KALRN: variants seen among roughly 807,000 people sequenced by gnomAD.
KALRN encodes the protein kalirin.
KALRN carries 70 observed loss-of-function variants against 353.7 expected under a neutral mutation model. The ratio of observed to expected loss-of-function variants is 0.20; its 90% CI spans 0.16 to 0.24. KALRN has a LOEUF of 0.24. Ranked by LOEUF, KALRN falls within the 10% of genes least tolerant of loss-of-function variation. The probability of loss-of-function intolerance (pLI) is 1.00; values close to 1 mark genes in which losing one functional copy is unlikely to be tolerated. For missense variants in KALRN, 2,791 were observed against 3,756.7 expected, an observed-to-expected ratio of 0.74 and a Z score of 6.72; for synonymous variants, 1,391 against 1,434.8, an observed-to-expected ratio of 0.97 and a Z score of 0.69.
intron 34 of KALRN, among the ~76,000 whole-genome samples, chr3:124,572,583 G>C (rs1052660984): frequency 2.0e-5 from 3 of 152,122 alleles, no homozygotes; most frequent in African/African-American, 7.2e-5. Context: ...CCACATTTAT[G>C]CAAAAGGAAG....
intron 50 of KALRN, 193 bp downstream of exon 50, chr3:124,678,506 A>C (rs2087453140): frequency 1.9e-6 from 1 of 528,280 alleles, no homozygotes. Flanking sequence ...TGGCAACTTC[A>C]ATTCAAGTAA....
At chr3:124,204,726 T>C (rs2076257238) in intron 1 of KALRN, among the ~76,000 whole-genome samples, 1 of 152,230 alleles carries the variant, frequency 6.6e-6, no homozygotes, top group Non-Finnish European at 1.5e-5. Flanking sequence ...AAATAATCCC[T>C]GTTTTAGAAT....
rs1178516590 is a variant in KALRN at position 124,434,529 on chromosome 3, A to G, written c.3048+4A>G. On this transcript the variant is annotated splice_donor_region_variant and intron_variant, in intron 17 of 59. Coordinates refer to ENST00000682506, the MANE Select transcript of KALRN (RefSeq NM_001388419.1). ...CTTTTACAAAACTTCTGAACAGGTGAGGGAAAAGACTGTGGGGCTTGTGGG... is the reference window on the plus strand; with the variant it reads ...CTTTTACAAAACTTCTGAACAGGTGGGGGAAAAGACTGTGGGGCTTGTGGG... The G allele has an allele frequency of 1.9e-6, 3 of 1,613,946 alleles. No individual in the cohort carries two copies. Among genetic ancestry groups the G allele is most frequent in the African/African-American group, 2.7e-5 (2 of 75,080 alleles).
intron 53 of KALRN, among the ~76,000 whole-genome samples, chr3:124,695,409 C>A (rs1231363512): frequency 1.3e-5 from 2 of 152,186 alleles, no homozygotes; most frequent in African/African-American, 4.8e-5. Context: ...GACCATCATT[C>A]CTTGGTATTC....
chr3:124,312,294 G>T (rs1221199920), intron 6 of KALRN, among the ~76,000 whole-genome samples: 1 of 152,114 alleles, frequency 6.6e-6, no homozygotes, highest in Admixed American at 6.5e-5. Flanking sequence ...CTGAGTAGTT[G>T]GGATTACAGG....
chr3:124,189,895 C>T (rs939117724), intron 1 of KALRN, among the ~76,000 whole-genome samples: 12 of 148,434 alleles, frequency 8.1e-5, no homozygotes, highest in Admixed American at 2.0e-4. Flanking sequence ...GCTAAGATTG[C>T]GCCACTGCAC....
rs537882502 is a variant in KALRN, at chr3:124,419,513, C to G, written c.2543-3299C>G. On this transcript the variant is annotated intron_variant, in intron 14 of 59. Coordinates refer to ENST00000682506, the MANE Select transcript of KALRN (RefSeq NM_001388419.1). ...CCCCAAGCTCTCAGGTACTTTCCAC[C>G]ACAGCATATGACCTCAGTTCTCTGA... 9.2e-5 allele frequency among the ~76,000 whole-genome samples: 14 copies of G among 152,106 alleles called. No homozygotes were observed. In the East Asian group the frequency reaches 2.5e-3, roughly 27 times the overall value.
At position 124,079,559 on chromosome 3, in the gene KALRN, G is replaced by A. The variant is rs1345264581; in HGVS notation, c.73+45746G>A. Reference sequence around the variant, plus strand: ...CTGGTGGTAGAGTATACCACCTGTGGGATTTGGAATTGATGAGACTACATT... The same window carrying A: ...CTGGTGGTAGAGTATACCACCTGTGAGATTTGGAATTGATGAGACTACATT... On this transcript the variant is annotated intron_variant, in intron 1 of 59. Coordinates refer to ENST00000682506, the MANE Select transcript of KALRN (RefSeq NM_001388419.1). Among the ~76,000 whole-genome samples, 4 of 152,074 alleles carry A rather than the reference G, an allele frequency of 2.6e-5. No individual in the cohort carries two copies. The East Asian group carries it at 5.8e-4, about 22-fold the overall frequency.
At chr3:124,048,772 C>T (rs775160666) in intron 1 of KALRN, among the ~76,000 whole-genome samples, 43 of 152,172 alleles carry the variant, frequency 2.8e-4, no homozygotes, top group African/African-American at 1.0e-3. Flanking sequence ...CGTGAGCCAC[C>T]GCACCCGGCC....
chr3:124,101,336 C>G (rs972789643), intron 1 of KALRN, among the ~76,000 whole-genome samples: 1 of 152,144 alleles, frequency 6.6e-6, no homozygotes, highest in Non-Finnish European at 1.5e-5. Context: ...ATAACTCATA[C>G]TAGGAAGGCA....
In KALRN at chr3:124,723,874, C is replaced by T. The variant is rs2063387574; in HGVS notation, c.*4404C>T. 1 of 152,220 alleles carries T rather than the reference C, an allele frequency of 6.6e-6. No homozygotes were observed. Among genetic ancestry groups the T allele is most frequent in the Admixed American group, 6.5e-5 (1 of 15,286 alleles). 9.4% of individuals were successfully genotyped at this position (152,220 alleles called of 1,614,324 possible). ...AGAAGAACCCAACAACCACTTTCTTCACTTGGGAGGGCAGAAGTGAGAAGA... is the reference window on the plus strand; with the variant it reads ...AGAAGAACCCAACAACCACTTTCTTTACTTGGGAGGGCAGAAGTGAGAAGA... On this transcript the variant is annotated 3_prime_UTR_variant, in exon 60 of 60. Transcript: ENST00000682506.
At chr3:124,659,906 A>C (rs2084608079) in intron 43 of KALRN, among the ~76,000 whole-genome samples, 1 of 148,592 alleles carries the variant, frequency 6.7e-6, no homozygotes, top group Non-Finnish European at 1.5e-5. Flanking sequence ...TATTTTATAT[A>C]TAATCAATAT....
chr3:124,065,632 TAAAAAAAA>T, intron 1 of KALRN, among the ~76,000 whole-genome samples: 1 of 131,708 alleles, frequency 7.6e-6, no homozygotes, highest in Non-Finnish European at 1.6e-5. Flanking sequence ...ATTCCTTAGT[TAAAAAAAA>T]AAAAAAAAAA....
chr3:124,615,804 G>T (rs1348826062), intron 34 of KALRN, among the ~76,000 whole-genome samples: 3 of 152,184 alleles, frequency 2.0e-5, no homozygotes, highest in Non-Finnish European at 4.4e-5. Context: ...ACCACAGAGA[G>T]ACTTTTGCGG....
At chr3:124,292,954 G>A (rs915259308) in intron 5 of KALRN, among the ~76,000 whole-genome samples, 6 of 152,180 alleles carry the variant, frequency 3.9e-5, no homozygotes, top group Non-Finnish European at 8.8e-5. Context: ...TCAGACCAAT[G>A]ATAAAACTTG....
chr3:124,648,842 C>T (rs1263720209), intron 37 of KALRN, among the ~76,000 whole-genome samples: 1 of 152,188 alleles, frequency 6.6e-6, no homozygotes, highest in Non-Finnish European at 1.5e-5. Context: ...GCTTGGTTGT[C>T]AAGCCTCAGC....
chr3:124,050,919 A>G (rs562137086), intron 1 of KALRN, among the ~76,000 whole-genome samples: 1 of 152,186 alleles, frequency 6.6e-6, no homozygotes, highest in East Asian at 1.9e-4. Flanking sequence ...TCCTTGAGGC[A>G]AATAGATGCT....
At chr3:124,689,180 T>C (rs2061696544) in intron 51 of KALRN, among the ~76,000 whole-genome samples, 2 of 152,234 alleles carry the variant, frequency 1.3e-5, no homozygotes. Flanking sequence ...TCATCTTTCC[T>C]CCACGACCAC....
At chr3:124,060,713 G>A (rs879364916) in intron 1 of KALRN, among the ~76,000 whole-genome samples, 9 of 152,248 alleles carry the variant, frequency 5.9e-5, no homozygotes, top group Non-Finnish European at 1.2e-4. Flanking sequence ...CTGGATTGTG[G>A]GTGGGCAGGA....
Sources: allele counts gnomAD v4.1 joint callset (sites outside exome capture counted in the v4.1 genomes callset), GRCh38; gene constraint gnomAD v4.1.1; transcripts MANE v1.5; gene names NCBI Gene and HGNC (gene_info 2026-07-23, HGNC 2026-07-21).